Variants in EIF2AK1 observed in about 807,000 individuals in gnomAD.
The protein encoded by EIF2AK1 is eukaryotic translation initiation factor 2-alpha kinase 1.
Under a neutral mutation model 77.9 loss-of-function variants are expected in EIF2AK1, and 54 were observed. That is an observed-to-expected ratio of 0.69 (90% CI 0.56 to 0.87). The LOEUF (loss-of-function observed/expected upper bound fraction) is 0.87. EIF2AK1 is among the 40% of genes least tolerant of loss of function. EIF2AK1 has a pLI of 0.00. For synonymous variants in EIF2AK1, 314 were observed against 290.5 expected, an observed-to-expected ratio of 1.08 and a Z score of -0.82; for missense variants, 810 against 768.6, an observed-to-expected ratio of 1.05 and a Z score of -0.64.
In EIF2AK1 at chr7:6,035,493, G is replaced by A; in HGVS notation, c.1332+1931C>T. The A allele has an allele frequency of 3.9e-6, 6 of 1,551,072 alleles. No homozygotes were observed. The highest frequency in any genetic ancestry group is 5.2e-6 in the Non-Finnish European group (6 of 1,147,110). ...CAACTTAATGCTACTGCACTGGCCA[G>A]TCACTTCCACCACGTGGGCAAAACC... On this transcript the variant is annotated intron_variant, in intron 11 of 14. Transcript: ENST00000199389. This position sits in a 1 kb window ranked among gnomAD's most constrained non-coding sequence, Gnocchi z 5.5.
chr7:6,048,961 C>T, intron 3 of EIF2AK1, 117 bp from the exon 4 acceptor site: 2 of 668,010 alleles, frequency 3.0e-6, no homozygotes, highest in South Asian at 2.1e-5. Context: ...TTTTAAAAAC[C>T]ACTGGCTTTT....
intron 14 of EIF2AK1, 60 bp from the exon 15 acceptor site, chr7:6,024,861 C>CAA: frequency 8.7e-7 from 1 of 1,152,060 alleles, no homozygotes; most frequent in Non-Finnish European, 1.2e-6. Flanking sequence ...TTTTTTGAGA[C>CAA]AGAGTCTCGC....
Position 6,035,603 on chromosome 7 carries a change from A to G in EIF2AK1, c.1332+1821T>C, listed in dbSNP as rs1788055208. 2 of 1,550,956 alleles carry G rather than the reference A, an allele frequency of 1.3e-6. No homozygotes were observed. The highest frequency in any genetic ancestry group is 1.7e-6 in the Non-Finnish European group (2 of 1,147,106). ...GCATCTTGTGTGCGCACGGAGCTCA[A>G]GTGAACACTCAAGGGGAAATCAGCA... On this transcript the variant is annotated intron_variant, in intron 11 of 14. Coordinates refer to ENST00000199389, the MANE Select transcript of EIF2AK1 (RefSeq NM_014413.4). This position sits in a 1 kb window ranked among gnomAD's most constrained non-coding sequence, Gnocchi z 5.5.
At position 6,035,011 on chromosome 7, in the gene EIF2AK1, G is replaced by T. The variant is rs1788035479; in HGVS notation, c.1332+2413C>A. On this transcript the variant is annotated intron_variant, in intron 11 of 14. Coordinates refer to ENST00000199389, the MANE Select transcript of EIF2AK1 (RefSeq NM_014413.4). The surrounding 1 kb of genome is among the most constrained non-coding windows in gnomAD (Gnocchi z 5.5). Reference sequence around the variant, plus strand: ...TGTGGCAATAACAGATCACACTCAAGTCCACACAATTTCACAGAAAGCCAG... The same window carrying T: ...TGTGGCAATAACAGATCACACTCAATTCCACACAATTTCACAGAAAGCCAG... Among the ~76,000 whole-genome samples, 1 of 152,076 alleles carries T rather than the reference G, an allele frequency of 6.6e-6. No individual in the cohort carries two copies. The highest frequency in any genetic ancestry group is 1.5e-5 in the Non-Finnish European group (1 of 68,038).
chr7:6,036,240 C>CA lies in EIF2AK1; in HGVS notation c.1332+1183dup, dbSNP rs775914363. The CA allele has an allele frequency of 2.3e-5, 36 of 1,549,342 alleles. 1 individual carries two copies. Among genetic ancestry groups the CA allele is most frequent in the Middle Eastern group, 3.3e-4 (2 of 5,984 alleles). On this transcript the variant is annotated intron_variant, in intron 11 of 14. Transcript: ENST00000199389. This position sits in a 1 kb window ranked among gnomAD's most constrained non-coding sequence, Gnocchi z 4.6. ...AAGGGACACCCTAATAAAGCAATCG[C>CA]AAAAACCTTTATCCCTACAGGGTAT...
At position 6,027,584 on chromosome 7, in the gene EIF2AK1, G is replaced by A. The variant is rs1412999561; in HGVS notation, c.1531-623C>T. 1.3e-5 allele frequency among the ~76,000 whole-genome samples: 2 copies of A among 151,964 alleles called. No homozygotes were observed. Among genetic ancestry groups the A allele is most frequent in the African/African-American group, 4.8e-5 (2 of 41,384 alleles). ...AAATGGATTTTAGCATTTCTTCCAGGAACAAGGGAGATTCAAACTTTACAG... is the reference window on the plus strand; with the variant it reads ...AAATGGATTTTAGCATTTCTTCCAGAAACAAGGGAGATTCAAACTTTACAG... On this transcript the variant is annotated intron_variant, in intron 13 of 14. Coordinates refer to ENST00000199389, the MANE Select transcript of EIF2AK1 (RefSeq NM_014413.4). The surrounding 1 kb of genome is among the most constrained non-coding windows in gnomAD (Gnocchi z 4.5).
At chr7:6,038,751 C>T in intron 9 of EIF2AK1, 80 bp from the exon 10 acceptor site, 2 of 1,220,162 alleles carry the variant, frequency 1.6e-6, no homozygotes, top group South Asian at 2.8e-5. Flanking sequence ...TATTAATCTG[C>T]CTATTCTGGG....
At chr7:6,052,584 T>TAAAAAA (rs56106343) in intron 2 of EIF2AK1, among the ~76,000 whole-genome samples, 3 of 97,142 alleles carry the variant, frequency 3.1e-5, no homozygotes, top group Admixed American at 1.4e-4. Context: ...ACTGTTTTGG[T>TAAAAAA]AAAAAAAAAA....
Position 6,023,261 on chromosome 7 carries a change from G to T in EIF2AK1, c.*1412C>A. The T allele has an allele frequency of 6.5e-7, 1 of 1,546,392 alleles. No individual in the cohort carries two copies. Among genetic ancestry groups the T allele is most frequent in the Non-Finnish European group, 8.7e-7 (1 of 1,154,348 alleles). ...CCCACTGTGCGAGTACTTCCCTCAGGGCTGCTCTGGTGATGCTACCTGGCG... is the reference window on the plus strand; with the variant it reads ...CCCACTGTGCGAGTACTTCCCTCAGTGCTGCTCTGGTGATGCTACCTGGCG... On this transcript the variant is annotated 3_prime_UTR_variant, in exon 15 of 15. Transcript: ENST00000199389.
In EIF2AK1 at chr7:6,036,499, A is replaced by T; in HGVS notation, c.1332+925T>A. 1 of 621,474 alleles carries T rather than the reference A, an allele frequency of 1.6e-6. No individual in the cohort carries two copies. Among genetic ancestry groups the T allele is most frequent in the Non-Finnish European group, 2.5e-6 (1 of 392,784 alleles). 38.5% of individuals were successfully genotyped at this position (621,474 alleles called of 1,614,324 possible). Reference sequence around the variant, plus strand: ...CTATCACCTGTGACATCCCAAATGTACAAACTACTGATTCTTGAACATGTT... The same window carrying T: ...CTATCACCTGTGACATCCCAAATGTTCAAACTACTGATTCTTGAACATGTT... On this transcript the variant is annotated intron_variant, in intron 11 of 14. Coordinates refer to ENST00000199389, the MANE Select transcript of EIF2AK1 (RefSeq NM_014413.4). The surrounding 1 kb of genome is among the most constrained non-coding windows in gnomAD (Gnocchi z 4.6).
At chr7:6,050,134 T>A in intron 2 of EIF2AK1, 89 bp from the exon 3 acceptor site, 1 of 1,007,644 alleles carries the variant, frequency 9.9e-7, no homozygotes, top group Non-Finnish European at 1.4e-6. Context: ...CGTGTAATAA[T>A]AGCAATATAT....
intron 10 of EIF2AK1, 67 bp downstream of exon 10, chr7:6,038,493 C>T: frequency 8.4e-7 from 1 of 1,190,604 alleles, no homozygotes; most frequent in Non-Finnish European, 1.2e-6. Context: ...GGAGGCAACT[C>T]CTACATGAGA....
intron 11 of EIF2AK1, among the ~76,000 whole-genome samples, chr7:6,034,308 A>AAAT (rs1008114156): frequency 6.6e-6 from 1 of 151,864 alleles, no homozygotes; most frequent in South Asian, 2.1e-4. Flanking sequence ...CTCCATCTCA[A>AAAT]AATAATAATA....
intron 1 of EIF2AK1, among the ~76,000 whole-genome samples, chr7:6,055,912 G>A (rs1055338946): frequency 1.3e-5 from 2 of 149,140 alleles, no homozygotes; most frequent in African/African-American, 5.0e-5. Flanking sequence ...AAACCCAGGA[G>A]GCAGAGGTTG....
At chr7:6,037,845 G>T (rs2302332) in intron 10 of EIF2AK1, among the ~76,000 whole-genome samples, 99,929 of 150,600 alleles carry the variant, frequency 0.66, 33,333 homozygotes, top group East Asian at 0.85. Flanking sequence ...GGCAACTAGA[G>T]TCGATAAAGT....
chr7:6,024,966 G>C (rs1322568903), intron 14 of EIF2AK1, among the ~76,000 whole-genome samples, 165 bp from the exon 15 acceptor site: 2 of 151,516 alleles, frequency 1.3e-5, no homozygotes, highest in African/African-American at 4.9e-5. Flanking sequence ...AGCCACCCAA[G>C]TAGCTGGGAT....
At chr7:6,051,945 A>G (rs1173490311) in intron 2 of EIF2AK1, among the ~76,000 whole-genome samples, 1 of 151,982 alleles carries the variant, frequency 6.6e-6, no homozygotes, top group Non-Finnish European at 1.5e-5. Flanking sequence ...GGCCAAGGCC[A>G]GTGGATCATG....
intron 11 of EIF2AK1, chr7:6,031,673 C>T (rs1363537528): frequency 2.2e-6 from 3 of 1,366,544 alleles, no homozygotes; most frequent in East Asian, 5.0e-5. Flanking sequence ...GGTGAACCCA[C>T]TAAGCTCACG....
Position 6,038,670 on chromosome 7 carries a change from G to A in EIF2AK1, c.1121C>T (p.Ala374Val). ...GATGTGCAGCATCAGGTGGTACTGT[G>A]CCTAGGAGAGGACACAGTGATGGCT... ...ENVNFLGQTE[A>V]QYHLMLHIQM... is the part of the protein sequence containing the mutation. Residue 374 changes from alanine to valine, a missense_variant and splice_region_variant, in exon 10 of 15, where the codon GCA becomes GTA. This residue lies in a region of EIF2AK1 where 549 missense variants were observed against 533.7 expected (regional missense o/e 1.03). Transcript: ENST00000199389. 1 of 1,605,092 alleles carries A rather than the reference G, an allele frequency of 6.2e-7. No individual in the cohort carries two copies.
Sources: gnomAD v4.1 joint callset for allele counts (sites outside exome capture counted in the v4.1 genomes callset) on GRCh38, gnomAD v4.1.1 for gene constraint, gnomAD v4.1.1 regional missense constraint, Gnocchi (gnomAD v3.1) non-coding constraint, MANE v1.5 for transcripts, NCBI Gene and HGNC (gene_info 2026-07-23, HGNC 2026-07-21) for gene names.